Variants in MDFIC observed in about 807,000 individuals in gnomAD.
The protein encoded by MDFIC is MyoD family inhibitor domain containing.
A neutral mutation model predicts 23.2 loss-of-function variants in MDFIC; 17 were observed. That is an observed-to-expected ratio of 0.73 (90% CI 0.50 to 1.10). The LOEUF is 1.10. MDFIC is among the 50% of genes least tolerant of loss of function. The pLI is 0.00. For missense variants in MDFIC, 356 were observed against 316.6 expected (o/e 1.12, Z -0.95); for synonymous variants, 120 against 115.2 (o/e 1.04, Z -0.27).
chr7:114,935,499 T>G (rs1792407631), intron 2 of MDFIC, among the ~76,000 whole-genome samples: 1 of 149,776 alleles, frequency 6.7e-6, no homozygotes, highest in Admixed American at 6.8e-5. Context: ...AAATAAAGTA[T>G]GGGTAACAAG....
intron 2 of MDFIC, among the ~76,000 whole-genome samples, chr7:114,932,136 T>C (rs1259667572): frequency 6.6e-6 from 1 of 152,232 alleles, no homozygotes; most frequent in East Asian, 1.9e-4. Context: ...TGGGAAAGTA[T>C]AGGAGTTTAC....
At position 115,010,334 on chromosome 7, in the gene MDFIC, C is replaced by T. The variant is rs373272545; in HGVS notation, c.494-5354C>T. Among the ~76,000 whole-genome samples the T allele has an allele frequency of 3.3e-5, 5 of 151,852 alleles. No homozygotes were observed. The East Asian group carries it at 7.7e-4, about 24-fold the overall frequency. On this transcript the variant is annotated intron_variant, in intron 4 of 4. Transcript: ENST00000393486. ...ACCCTGAGTCACAGTCAAACTATGACTTAGAAATAGAAGGTTACAAATAGA... is the reference window on the plus strand; with the variant it reads ...ACCCTGAGTCACAGTCAAACTATGATTTAGAAATAGAAGGTTACAAATAGA...
chr7:114,999,016 T>A (rs1791404523), intron 4 of MDFIC, among the ~76,000 whole-genome samples: 2 of 152,132 alleles, frequency 1.3e-5, no homozygotes, highest in South Asian at 4.2e-4. Flanking sequence ...ACCTTCCATA[T>A]CTCTGTCTGA....
intron 3 of MDFIC, among the ~76,000 whole-genome samples, chr7:114,962,528 C>A (rs1416960311): frequency 6.6e-6 from 1 of 152,122 alleles, no homozygotes; most frequent in African/African-American, 2.4e-5. Context: ...TCTAACCGTC[C>A]ATGTTTCCAG....
At chr7:114,944,517 A>T (rs1792607859) in intron 3 of MDFIC, among the ~76,000 whole-genome samples, 1 of 152,338 alleles carries the variant, frequency 6.6e-6, no homozygotes, top group East Asian at 1.9e-4. Flanking sequence ...ATTTTATATC[A>T]TCTTTAAAAC....
chr7:114,964,387 T>C (rs1379333406), intron 3 of MDFIC, among the ~76,000 whole-genome samples: 1 of 152,220 alleles, frequency 6.6e-6, no homozygotes, highest in Admixed American at 6.5e-5. Context: ...CTTTTCTAGG[T>C]AAGCAATATG....
At chr7:115,007,744 G>A (rs551677358) in intron 4 of MDFIC, among the ~76,000 whole-genome samples, 1 of 149,044 alleles carries the variant, frequency 6.7e-6, no homozygotes, top group African/African-American at 2.5e-5. Context: ...CATGATTATG[G>A]CTCACTATAG....
intron 4 of MDFIC, among the ~76,000 whole-genome samples, chr7:115,014,698 A>G (rs181244188): frequency 6.6e-6 from 1 of 152,316 alleles, no homozygotes; most frequent in Admixed American, 6.5e-5. Flanking sequence ...ATATGAGGCA[A>G]ATGTTTTATA....
Position 114,942,269 on chromosome 7 carries a change from A to T in MDFIC, c.95-6A>T. ...AATTATATTAAATGTATCTTTTTTAATTCAGGAAAATGTGATAAAGACAAT... is the reference window on the plus strand; with the variant it reads ...AATTATATTAAATGTATCTTTTTTATTTCAGGAAAATGTGATAAAGACAAT... On this transcript the variant is annotated splice_polypyrimidine_tract_variant and splice_region_variant and intron_variant, in intron 2 of 4. Transcript: ENST00000393486. 1 of 1,459,324 alleles carries T rather than the reference A, an allele frequency of 6.9e-7. No homozygotes were observed. The allele number at this position is 1,459,324 out of a possible 1,614,324, so 90.4% of individuals were successfully genotyped here. A position where few individuals can be genotyped will look rare whatever the true frequency, so the allele number is the denominator to read the frequency against.
chr7:114,936,280 A>G (rs1792422065), intron 2 of MDFIC, among the ~76,000 whole-genome samples: 1 of 152,188 alleles, frequency 6.6e-6, no homozygotes, highest in Non-Finnish European at 1.5e-5. Context: ...AAGTATTTGG[A>G]CTTTTAAGTG....
chr7:115,005,721 G>C (rs1791556342), intron 4 of MDFIC, among the ~76,000 whole-genome samples: 1 of 152,172 alleles, frequency 6.6e-6, no homozygotes, highest in Non-Finnish European at 1.5e-5. Flanking sequence ...CTCTGGAATT[G>C]TTTGTACACT....
At chr7:114,945,867 T>G (rs1307216684) in intron 3 of MDFIC, among the ~76,000 whole-genome samples, 2 of 152,332 alleles carry the variant, frequency 1.3e-5, no homozygotes, top group South Asian at 4.1e-4. Context: ...AAAAGGCTTT[T>G]ATACTCTTAG....
chr7:114,923,384 A>AT (rs1326470667), intron 2 of MDFIC: 21 of 1,414,250 alleles, frequency 1.5e-5, no homozygotes, highest in Admixed American at 2.0e-5. Context: ...GGATGACAGG[A>AT]TTGCTTCTTT....
intron 4 of MDFIC, chr7:115,014,067 A>G (rs1033395638): frequency 1.2e-5 from 12 of 985,198 alleles, no homozygotes; most frequent in African/African-American, 1.7e-5. Context: ...ACAACTCTGG[A>G]ATTTCCCTTT....
In MDFIC at chr7:115,014,480, G is replaced by T. The variant is rs936879389; in HGVS notation, c.494-1208G>T. On this transcript the variant is annotated intron_variant, in intron 4 of 4. Coordinates refer to ENST00000393486, the MANE Select transcript of MDFIC (RefSeq NM_001166345.3). ...GTTTTCAGTTTGCTGACACTCCATC[G>T]AAGGCACTTAATTTTAATGCCAAAT... 2.3e-6 allele frequency: 3 copies of T among 1,289,516 alleles called. No individual in the cohort carries two copies. In the Admixed American group the frequency reaches 6.9e-5, roughly 30 times the overall value. The allele number at this position is 1,289,516 out of a possible 1,614,324, so 79.9% of individuals were successfully genotyped here.
chr7:114,997,576 GAAAA>G (rs60307474), intron 4 of MDFIC, among the ~76,000 whole-genome samples: 9 of 141,754 alleles, frequency 6.3e-5, no homozygotes, highest in African/African-American at 7.9e-5. Context: ...ATCTCTACAG[GAAAA>G]AAAAAAAAAA....
chr7:115,009,063 CA>C (rs1238076735), intron 4 of MDFIC, among the ~76,000 whole-genome samples: 2 of 152,214 alleles, frequency 1.3e-5, no homozygotes, highest in African/African-American at 2.4e-5. Context: ...TCTTATTGTT[CA>C]TGCTTTAATC....
intron 2 of MDFIC, among the ~76,000 whole-genome samples, chr7:114,926,087 G>C (rs1286040899): frequency 1.3e-5 from 2 of 152,132 alleles, no homozygotes; most frequent in African/African-American, 4.8e-5. Context: ...GTCCTGGTTT[G>C]ATTAAACATT....
rs1339135372 is a variant in MDFIC at position 114,933,133 on chromosome 7, A to G, written c.95-9142A>G. Among the ~76,000 whole-genome samples, 8 of 152,238 alleles carry G rather than the reference A, an allele frequency of 5.3e-5. No homozygotes were observed. The East Asian group carries it at 1.5e-3, about 29-fold the overall frequency. On this transcript the variant is annotated intron_variant, in intron 2 of 4. Transcript: ENST00000393486. ...TGTTCTTCATAAAATAACTCTGTAT[A>G]ACTGAGAGGTAACAAAAAGGTTTTT...
Sources: allele counts gnomAD v4.1 joint callset (sites outside exome capture counted in the v4.1 genomes callset), GRCh38; gene constraint gnomAD v4.1.1; transcripts MANE v1.5; gene names NCBI Gene and HGNC (gene_info 2026-07-23, HGNC 2026-07-21).